Variants in KALRN observed in about 807,000 individuals in gnomAD.
KALRN encodes kalirin RhoGEF kinase.
In KALRN, 70 loss-of-function variants were observed where a neutral mutation model predicts 353.7. The ratio of observed to expected loss-of-function variants is 0.20; its 90% CI spans 0.16 to 0.24. KALRN has a LOEUF of 0.24. KALRN is among the 10% of genes least tolerant of loss of function. KALRN has a pLI of 1.00. For missense variants in KALRN, 2,791 were observed against 3,756.7 expected (o/e 0.74, Z 6.72); for synonymous variants, 1,391 against 1,434.8 (o/e 0.97, Z 0.69).
At chr3:124,703,820 A>G (rs2062463677) in intron 57 of KALRN, among the ~76,000 whole-genome samples, 1 of 150,932 alleles carries the variant, frequency 6.6e-6, no homozygotes, top group South Asian at 2.1e-4. Context: ...TACCTGGCAA[A>G]CTTTTAAAAG....
chr3:124,285,474 C>T (rs1324746672), intron 5 of KALRN, among the ~76,000 whole-genome samples: 1 of 152,064 alleles, frequency 6.6e-6, no homozygotes, highest in African/African-American at 2.4e-5. Flanking sequence ...ATCCGTGTAA[C>T]AAAATTGCAT....
At chr3:124,483,057 A>G (rs2062152591) in intron 28 of KALRN, among the ~76,000 whole-genome samples, 157 bp downstream of exon 28, 1 of 152,224 alleles carries the variant, frequency 6.6e-6, no homozygotes, top group Non-Finnish European at 1.5e-5. Context: ...GTCCTATCCC[A>G]TGGAAATCCA....
chr3:124,414,070 C>T (rs896848782), intron 14 of KALRN, among the ~76,000 whole-genome samples: 1 of 151,918 alleles, frequency 6.6e-6, no homozygotes, highest in Non-Finnish European at 1.5e-5. Flanking sequence ...CATGCGACTG[C>T]ACTCCAGCCT....
chr3:124,344,664 C>T (rs918285795), intron 9 of KALRN, among the ~76,000 whole-genome samples: 4 of 152,096 alleles, frequency 2.6e-5, no homozygotes, highest in Admixed American at 6.5e-5. Context: ...GAACTTTCGT[C>T]GAAATTGCAC....
At position 124,413,543 on chromosome 3, in the gene KALRN, C is replaced by A; in HGVS notation, c.2420C>A (p.Thr807Asn). 1.2e-6 allele frequency: 2 copies of A among 1,614,126 alleles called. No individual in the cohort carries two copies. The highest frequency in any genetic ancestry group is 2.2e-5 in the South Asian group (2 of 91,078). Reference protein sequence around the residue: ...QMNDFNTEDLTLAEQRLQRHT... With the variant: ...QMNDFNTEDLNLAEQRLQRHT... ...AATGACTTCAACACAGAGGACCTAACCCTGGCAGAACAGCGGCTGCAGCGC... is the reference window on the plus strand; with the variant it reads ...AATGACTTCAACACAGAGGACCTAAACCTGGCAGAACAGCGGCTGCAGCGC... The change falls in exon 14 of 60, where the codon ACC (threonine) becomes AAC (asparagine). Residue 807 changes from threonine to asparagine, a missense_variant. Around this residue, in one of 11 missense-constraint regions of KALRN, gnomAD observed 452 missense variants for 575.8 expected, o/e 0.78. Coordinates refer to ENST00000682506, the MANE Select transcript of KALRN (RefSeq NM_001388419.1).
At position 124,045,974 on chromosome 3, in the gene KALRN, G is replaced by A. The variant is rs145663400; in HGVS notation, c.73+12161G>A. 3.9e-3 allele frequency among the ~76,000 whole-genome samples: 593 copies of A among 152,320 alleles called. 1 individual carries two copies. Among genetic ancestry groups the A allele is most frequent in the Non-Finnish European group, 6.2e-3 (422 of 68,026 alleles). On this transcript the variant is annotated intron_variant, in intron 1 of 59. Transcript: ENST00000682506. ...CTATTCAAGAAGCTTGGTAATAAAA[G>A]TAAGGAGAAAAATAAGATGGTAATC... is the stretch of plus-strand genomic sequence containing the variant.
chr3:124,719,131 G>T lies in KALRN; in HGVS notation c.8622G>T (p.Leu2874=). 1 of 1,614,254 alleles carries T rather than the reference G, an allele frequency of 6.2e-7. No individual in the cohort carries two copies. The highest frequency in any genetic ancestry group is 8.5e-7 in the Non-Finnish European group (1 of 1,180,046). ...WSIGVLTYVM[L]SGVSPFLDES... ...TCGGGGTTCTGACATATGTCATGCTGAGTGGGGTCTCCCCCTTCTTGGATG... is the reference window on the plus strand; with the variant it reads ...TCGGGGTTCTGACATATGTCATGCTTAGTGGGGTCTCCCCCTTCTTGGATG... Residue 2874 remains leucine (L), a synonymous_variant, in exon 60 of 60, where the codon CTG becomes CTT. Coordinates refer to ENST00000682506, the MANE Select transcript of KALRN (RefSeq NM_001388419.1). The surrounding 1 kb of genome is among the most constrained non-coding windows in gnomAD (Gnocchi z 5.3).
Position 124,368,067 on chromosome 3 carries a change from CGG to C in KALRN, c.1771-16775_1771-16774del, listed in dbSNP as rs1560700987. On this transcript the variant is annotated intron_variant, in intron 10 of 59. Transcript: ENST00000682506. ...CTGACCCCCCCACCTCCCTCCCGGACGGGGCGGCTGGCCAGGCGGGGGGCTGA... is the reference window on the plus strand; with the variant it reads ...CTGACCCCCCCACCTCCCTCCCGGACGGCGGCTGGCCAGGCGGGGGGCTGA... 1.8e-4 allele frequency among the ~76,000 whole-genome samples: 9 copies of C among 50,832 alleles called. 1 individual carries two copies. The highest frequency in any genetic ancestry group is 4.3e-4 in the African/African-American group (5 of 11,526). The allele number at this position is 50,832 out of a possible 152,430, so 33.3% of individuals were successfully genotyped here.
At chr3:124,666,322 G>C in intron 45 of KALRN, 127 bp from the exon 46 acceptor site, 2 of 832,932 alleles carry the variant, frequency 2.4e-6, no homozygotes. Flanking sequence ...TCTCTTCCTA[G>C]AGCCCTGAGG....
At chr3:124,366,794 C>G (rs940006251) in intron 10 of KALRN, among the ~76,000 whole-genome samples, 2 of 151,574 alleles carry the variant, frequency 1.3e-5, no homozygotes, top group African/African-American at 2.4e-5. Flanking sequence ...GGCAGAGGCG[C>G]CCCTCACCTC....
intron 33 of KALRN, among the ~76,000 whole-genome samples, chr3:124,508,767 C>A (rs1190607835): frequency 6.6e-6 from 1 of 152,184 alleles, no homozygotes; most frequent in Non-Finnish European, 1.5e-5. Flanking sequence ...AATTTACACT[C>A]CTGCCAATAT....
At chr3:124,107,015 G>A (rs573971936) in intron 1 of KALRN, among the ~76,000 whole-genome samples, 3 of 152,230 alleles carry the variant, frequency 2.0e-5, no homozygotes, top group Non-Finnish European at 1.5e-5. Flanking sequence ...GGTTGCAAGT[G>A]GCACTTCTTG....
intron 58 of KALRN, among the ~76,000 whole-genome samples, chr3:124,715,400 G>A (rs1284067955): frequency 6.6e-6 from 1 of 152,232 alleles, no homozygotes; most frequent in Non-Finnish European, 1.5e-5. Flanking sequence ...AGGGTAGGAT[G>A]TGGGCATCTG....
chr3:124,422,512 C>T (rs2092826322), intron 14 of KALRN, among the ~76,000 whole-genome samples: 1 of 152,090 alleles, frequency 6.6e-6, no homozygotes, highest in Non-Finnish European at 1.5e-5. Flanking sequence ...GCAGGAATTG[C>T]TGGGTGCTGT....
chr3:124,258,388 A>T (rs1233613482), intron 3 of KALRN, among the ~76,000 whole-genome samples: 2 of 152,176 alleles, frequency 1.3e-5, no homozygotes, highest in Admixed American at 6.5e-5. Context: ...TCTCTGCAGC[A>T]TTTGACACTG....
In KALRN at chr3:124,674,571, C is replaced by G. The variant is rs1421213497; in HGVS notation, c.7150C>G (p.Leu2384Val). 1 of 1,608,316 alleles carries G rather than the reference C, an allele frequency of 6.2e-7. No individual in the cohort carries two copies. The highest frequency in any genetic ancestry group is 1.1e-5 in the South Asian group (1 of 90,096). Residue 2384 changes from leucine to valine, a missense_variant, in exon 49 of 60, where the codon CTC becomes GTC. This residue lies in a region of KALRN where 1,065 missense variants were observed against 1,156.4 expected (regional missense o/e 0.92). Transcript: ENST00000682506. ...GGTCCCAGGCAGCATCCTGGCGCCCCTCACCAAAGCCACAGCAGCAGAAAG... is the reference window on the plus strand; with the variant it reads ...GGTCCCAGGCAGCATCCTGGCGCCCGTCACCAAAGCCACAGCAGCAGAAAG... ...GWVPGSILAP[L>V]TKATAAESSD...
intron 13 of KALRN, among the ~76,000 whole-genome samples, chr3:124,403,111 T>C (rs1384283115): frequency 6.6e-6 from 1 of 152,164 alleles, no homozygotes; most frequent in Non-Finnish European, 1.5e-5. Flanking sequence ...AGCCACTGAG[T>C]TGTGACACTC....
chr3:124,607,133 GA>G (rs1561407213), intron 34 of KALRN, among the ~76,000 whole-genome samples: 8 of 152,192 alleles, frequency 5.3e-5, no homozygotes, highest in Non-Finnish European at 1.2e-4. Context: ...TTGTAATAGC[GA>G]ACAAGAACAT....
chr3:124,548,562 G>T (rs2109483377), intron 33 of KALRN, among the ~76,000 whole-genome samples: 1 of 152,318 alleles, frequency 6.6e-6, no homozygotes, highest in Non-Finnish European at 1.5e-5. Flanking sequence ...GTCTAGAAGG[G>T]AGTATTCCAT....
Sources: allele counts gnomAD v4.1 joint callset (sites outside exome capture counted in the v4.1 genomes callset), GRCh38; gene constraint gnomAD v4.1.1; regional missense constraint gnomAD v4.1.1; non-coding constraint Gnocchi (gnomAD v3.1); transcripts MANE v1.5; gene names NCBI Gene and HGNC (gene_info 2026-07-23, HGNC 2026-07-21).